The following KAZN variants were observed in gnomAD, a reference collection of about 807,000 sequenced individuals.
KAZN encodes the protein kazrin, periplakin interacting protein, also known as kazrin.
KAZN carries 40 observed loss-of-function variants against 87.4 expected under a neutral mutation model. That is an observed-to-expected ratio of 0.46 (90% CI 0.36 to 0.60). The LOEUF is 0.60. Among genes scored for constraint, KAZN ranks in the 20% least tolerant of loss-of-function variants. The pLI, the probability that KAZN is intolerant of heterozygous loss-of-function variation, is 0.00. For missense variants in KAZN, 898 were observed against 1,073.9 expected, an observed-to-expected ratio of 0.84 and a Z score of 2.29; for synonymous variants, 466 against 458.3, an observed-to-expected ratio of 1.02 and a Z score of -0.22.
intron 1 of KAZN, among the ~76,000 whole-genome samples, chr1:14,000,813 C>T (rs10927989): frequency 0.13 from 19,427 of 147,778 alleles, 1,430 homozygotes; most frequent in Middle Eastern, 0.21. Flanking sequence ...GACGGAGTCT[C>T]GCTCTGTCGC....
chr1:13,985,296 G>A (rs189476380), intron 1 of KAZN, among the ~76,000 whole-genome samples: 22 of 151,828 alleles, frequency 1.4e-4, no homozygotes, highest in Middle Eastern at 3.4e-3. Flanking sequence ...ATGCTGGTGC[G>A]CTGCCAACCC....
intron 1 of KAZN, among the ~76,000 whole-genome samples, chr1:14,918,040 G>A (rs556491984): frequency 6.6e-5 from 10 of 152,084 alleles, no homozygotes; most frequent in East Asian, 3.9e-4. Flanking sequence ...CACCACGCCC[G>A]GCTAATTTTT....
In KAZN at chr1:13,948,502, C is replaced by A. The variant is rs905724820; in HGVS notation, c.91+54746C>A. ...GCCATGAAGAACTGTGTCAATTAAA[C>A]CTCTTTTCGGTGTAAATTACCCAGT... On this transcript the variant is annotated intron_variant, in intron 1 of 16. Transcript: ENST00000636203. Among the ~76,000 whole-genome samples the A allele has an allele frequency of 5.3e-5, 8 of 152,258 alleles. No homozygotes were observed. The South Asian group carries it at 1.2e-3, about 24-fold the overall frequency.
intron 2 of KAZN, among the ~76,000 whole-genome samples, chr1:14,259,997 G>A (rs1260055317): frequency 6.6e-6 from 1 of 152,262 alleles, no homozygotes; most frequent in Middle Eastern, 3.4e-3. Flanking sequence ...CGGGGTTGTG[G>A]ACTCTTTTAT....
chr1:13,955,129 A>G (rs1641497054), intron 1 of KAZN, among the ~76,000 whole-genome samples: 1 of 152,164 alleles, frequency 6.6e-6, no homozygotes, highest in Non-Finnish European at 1.5e-5. Context: ...TTCTTGACAT[A>G]TCAGCTCTTT....
chr1:13,899,198 A>G (rs947155393), intron 1 of KAZN, among the ~76,000 whole-genome samples: 5 of 152,232 alleles, frequency 3.3e-5, no homozygotes, highest in African/African-American at 1.2e-4. Flanking sequence ...GCACAACCAT[A>G]GGTGGCACTT....
At chr1:14,072,994 G>T (rs140965948) in intron 1 of KAZN, among the ~76,000 whole-genome samples, 140 of 152,232 alleles carry the variant, frequency 9.2e-4, no homozygotes, top group African/African-American at 3.3e-3. Flanking sequence ...ATCAGGGCTG[G>T]TTCTGAATCT....
At chr1:15,085,136 G>GA (rs1001219618) in intron 8 of KAZN, among the ~76,000 whole-genome samples, 19 of 151,852 alleles carry the variant, frequency 1.3e-4, no homozygotes, top group African/African-American at 2.4e-4. Flanking sequence ...TTTAAAAATG[G>GA]AAAAAAAGAC....
rs1644348531 is a variant in KAZN, at chr1:14,749,305, T to C, written c.226+150082T>C. Among the ~76,000 whole-genome samples, 2 of 152,184 alleles carry C rather than the reference T, an allele frequency of 1.3e-5. 1 individual carries two copies. Among genetic ancestry groups the C allele is most frequent in the African/African-American group, 4.8e-5 (2 of 41,444 alleles). The stretch of plus-strand genomic sequence containing the variant: ...GTTCCAGGTGGAAATCTCAATTCTG[T>C]TACAAGCCTTTCTCCCATACTACCA... On this transcript the variant is annotated intron_variant, in intron 1 of 14. Coordinates refer to ENST00000376030, the MANE Select transcript of KAZN (RefSeq NM_201628.3).
chr1:14,421,259 G>A (rs2101316780), intron 2 of KAZN, among the ~76,000 whole-genome samples: 1 of 152,292 alleles, frequency 6.6e-6, no homozygotes, highest in South Asian at 2.1e-4. Context: ...GTGATGGGGG[G>A]AATGGTTCTT....
At chr1:15,088,279 T>A (rs79604384) in intron 8 of KAZN, among the ~76,000 whole-genome samples, 9,113 of 152,320 alleles carry the variant, frequency 0.06, 387 homozygotes, top group South Asian at 0.094. Context: ...GGCCGTAGTC[T>A]GCTGACCTCT....
intron 2 of KAZN, among the ~76,000 whole-genome samples, chr1:14,569,551 T>A (rs1315589841): frequency 6.6e-6 from 1 of 151,596 alleles, no homozygotes; most frequent in Non-Finnish European, 1.5e-5. Context: ...CTCGATCTCC[T>A]GACCTCAAGA....
At chr1:15,070,892 C>A (rs937525496) in intron 8 of KAZN, among the ~76,000 whole-genome samples, 7 of 152,170 alleles carry the variant, frequency 4.6e-5, no homozygotes, top group Non-Finnish European at 8.8e-5. Flanking sequence ...CAAAAACTTG[C>A]ATTTTCCCAG....
At chr1:15,023,771 G>A (rs1670912781) in intron 2 of KAZN, among the ~76,000 whole-genome samples, 1 of 152,060 alleles carries the variant, frequency 6.6e-6, no homozygotes, top group African/African-American at 2.4e-5. Context: ...ATGGGGGTGG[G>A]GGTGGGGACA....
At chr1:14,594,960 G>C (rs1171619852), upstream of KAZN, among the ~76,000 whole-genome samples, 4 of 151,986 alleles carry the variant, frequency 2.6e-5, no homozygotes, top group African/African-American at 9.7e-5. Flanking sequence ...GTCTGGCCAA[G>C]ATGGTGAAAC....
intron 2 of KAZN, among the ~76,000 whole-genome samples, chr1:14,580,652 G>A (rs1208577858): frequency 6.6e-6 from 1 of 152,110 alleles, no homozygotes; most frequent in African/African-American, 2.4e-5. Context: ...GGAGAAAAGG[G>A]ACTAACATTT....
At chr1:14,860,710 C>T (rs1650736451) in intron 1 of KAZN, among the ~76,000 whole-genome samples, 1 of 152,188 alleles carries the variant, frequency 6.6e-6, no homozygotes, top group Non-Finnish European at 1.5e-5. Context: ...CACACATATA[C>T]CTACCTTATA....
chr1:14,561,050 G>A (rs981379295), intron 2 of KAZN, among the ~76,000 whole-genome samples: 23 of 152,224 alleles, frequency 1.5e-4, no homozygotes, highest in African/African-American at 4.6e-4. Context: ...CAACTCCTGA[G>A]TGCTCACTCT....
chr1:14,534,681 T>C (rs1443630544), intron 2 of KAZN, among the ~76,000 whole-genome samples: 1 of 152,066 alleles, frequency 6.6e-6, no homozygotes, highest in African/African-American at 2.4e-5. Flanking sequence ...TGTAGCACTG[T>C]TCAAGGCTCA....
Sources: gnomAD v4.1 joint callset for allele counts (sites outside exome capture counted in the v4.1 genomes callset) on GRCh38, gnomAD v4.1.1 for gene constraint, MANE v1.5 for transcripts, NCBI Gene and HGNC (gene_info 2026-07-23, HGNC 2026-07-21) for gene names.